MARCHF1: variants seen among roughly 807,000 people sequenced by gnomAD.
MARCHF1 encodes membrane associated ring-CH-type finger 1, also known as E3 ubiquitin-protein ligase MARCHF1.
A neutral mutation model predicts 54.2 loss-of-function variants in MARCHF1; 40 were observed. That is an observed-to-expected ratio of 0.74 (90% CI 0.57 to 0.96). The LOEUF (loss-of-function observed/expected upper bound fraction) is 0.96, where lower values mean the gene tolerates loss of function less well. MARCHF1 is among the 40% of genes least tolerant of loss of function. MARCHF1 has a pLI of 0.00. For synonymous variants in MARCHF1, 236 were observed against 236.3 expected (o/e 1.00, Z 0.01); for missense variants, 586 against 656.5 (o/e 0.89, Z 1.17).
intron 2 of MARCHF1, among the ~76,000 whole-genome samples, chr4:164,001,538 T>C (rs1210332195): frequency 6.6e-6 from 1 of 151,836 alleles, no homozygotes; most frequent in Admixed American, 6.6e-5. Context: ...ACAAAATATA[T>C]GAAACAAATG....
At chr4:163,845,460 TACACACACACACACACAC>T (rs10611765) in intron 4 of MARCHF1, among the ~76,000 whole-genome samples, 18 of 137,528 alleles carry the variant, frequency 1.3e-4, no homozygotes, top group Admixed American at 5.1e-4. Flanking sequence ...GCACCTCAGT[TACACACACACACACACAC>T]ACACACACAC....
chr4:163,695,722 G>A (rs527951878), intron 5 of MARCHF1, among the ~76,000 whole-genome samples: 1 of 152,224 alleles, frequency 6.6e-6, no homozygotes, highest in South Asian at 2.1e-4. Context: ...ACTTGAATTG[G>A]AAGTACAAGC....
At chr4:163,625,816 T>C (rs908760649) in intron 5 of MARCHF1, among the ~76,000 whole-genome samples, 1 of 152,218 alleles carries the variant, frequency 6.6e-6, no homozygotes, top group African/African-American at 2.4e-5. Flanking sequence ...GAGAAGAGTA[T>C]GTCCTTTAAC....
At chr4:163,966,434 C>T (rs1752445727) in intron 3 of MARCHF1, among the ~76,000 whole-genome samples, 1 of 152,036 alleles carries the variant, frequency 6.6e-6, no homozygotes, top group African/African-American at 2.4e-5. Flanking sequence ...GTAATTCTAA[C>T]ATCAGTAAAC....
Position 163,526,609 on chromosome 4 carries a change from G to T in MARCHF1, c.*2139C>A, listed in dbSNP as rs1738113623. 1 of 151,536 alleles carries T rather than the reference G, an allele frequency of 6.6e-6. No individual in the cohort carries two copies. Among genetic ancestry groups the T allele is most frequent in the Non-Finnish European group, 1.5e-5 (1 of 67,906 alleles). The allele number at this position is 151,536 out of a possible 1,614,324, so 9.4% of individuals were successfully genotyped here. A position where few individuals can be genotyped will look rare whatever the true frequency, so the allele number is the denominator to read the frequency against. ...TATTTATCTTAAATATTTAAAATGG[G>T]CATTTAAGAGGAATTTAATATACAG... On this transcript the variant is annotated 3_prime_UTR_variant, in exon 10 of 10. Transcript: ENST00000514618.
intron 3 of MARCHF1, among the ~76,000 whole-genome samples, chr4:163,887,604 G>A (rs906657464): frequency 1.4e-4 from 21 of 152,256 alleles, no homozygotes; most frequent in African/African-American, 4.8e-4. Context: ...AGTTTGAGAA[G>A]TATTGTCCTA....
At chr4:164,195,870 TTAAG>T (rs1351180702) in intron 1 of MARCHF1, among the ~76,000 whole-genome samples, 4 of 148,780 alleles carry the variant, frequency 2.7e-5, no homozygotes, top group Non-Finnish European at 5.9e-5. Context: ...ATGATATTAG[TTAAG>T]TGAGTTATTG....
chr4:163,973,625 C>T (rs954369071), intron 3 of MARCHF1, among the ~76,000 whole-genome samples: 1 of 152,124 alleles, frequency 6.6e-6, no homozygotes, highest in Non-Finnish European at 1.5e-5. Flanking sequence ...CGGGTTGTTA[C>T]AGTAATTAAC....
intron 5 of MARCHF1, among the ~76,000 whole-genome samples, chr4:163,700,440 G>T (rs943994660): frequency 3.3e-5 from 5 of 151,786 alleles, no homozygotes; most frequent in African/African-American, 1.2e-4. Context: ...AGAAGGCGGA[G>T]GTTGCAGTGA....
chr4:164,168,561 T>C (rs1730440873), intron 1 of MARCHF1, among the ~76,000 whole-genome samples: 1 of 152,070 alleles, frequency 6.6e-6, no homozygotes, highest in Non-Finnish European at 1.5e-5. Flanking sequence ...TAAAATGTTA[T>C]GCTATTTGCC....
chr4:163,965,710 T>C (rs1181222441), intron 3 of MARCHF1, among the ~76,000 whole-genome samples: 1 of 152,136 alleles, frequency 6.6e-6, no homozygotes, highest in African/African-American at 2.4e-5. Context: ...TAACACTGTA[T>C]AGTTAAACCA....
At chr4:164,179,520 C>T (rs564291823) in intron 1 of MARCHF1, among the ~76,000 whole-genome samples, 42 of 152,082 alleles carry the variant, frequency 2.8e-4, no homozygotes, top group Middle Eastern at 3.4e-3. Context: ...GGTACAGAAA[C>T]CACTGAAAAT....
At chr4:163,937,031 A>C (rs996509866) in intron 3 of MARCHF1, among the ~76,000 whole-genome samples, 7 of 152,164 alleles carry the variant, frequency 4.6e-5, no homozygotes, top group African/African-American at 1.7e-4. Context: ...CCTTCTCCCT[A>C]ACAAGGGTGG....
At position 164,354,463 on chromosome 4, in the gene MARCHF1, G is replaced by A. The variant is rs1213579086; in HGVS notation, c.-323+29407C>T. ...GGGATGCAAGGCTGGTTCAATATAC[G>A]CAAATCAACAAATGTAATCCAGCAT... On this transcript the variant is annotated intron_variant, in intron 1 of 9. Coordinates refer to ENST00000514618, the MANE Select transcript of MARCHF1 (RefSeq NM_001394959.1). Among the ~76,000 whole-genome samples, 221 of 131,316 alleles carry A rather than the reference G, an allele frequency of 1.7e-3. 6 individuals carry two copies. The highest frequency in any genetic ancestry group is 6.0e-3 in the African/African-American group (209 of 35,074). 86.1% of individuals were successfully genotyped at this position (131,316 alleles called of 152,430 possible).
intron 2 of MARCHF1, among the ~76,000 whole-genome samples, chr4:164,069,339 A>G (rs1392173886): frequency 6.6e-6 from 1 of 152,158 alleles, no homozygotes; most frequent in Non-Finnish European, 1.5e-5. Context: ...AGCAGTGGCA[A>G]CCCACTTGGA....
chr4:164,119,862 C>T (rs893100685), intron 1 of MARCHF1, among the ~76,000 whole-genome samples: 6 of 151,594 alleles, frequency 4.0e-5, no homozygotes, highest in African/African-American at 1.5e-4. Flanking sequence ...AAAATAAATA[C>T]CATGCACAAA....
intron 3 of MARCHF1, among the ~76,000 whole-genome samples, chr4:163,966,340 T>TAG (rs991764890): frequency 9.2e-5 from 14 of 152,084 alleles, no homozygotes; most frequent in Non-Finnish European, 1.8e-4. Context: ...ATGTTTTTCA[T>TAG]AGCTATAGCC....
chr4:163,615,480 T>TG (rs951141474), intron 5 of MARCHF1, among the ~76,000 whole-genome samples: 2 of 151,832 alleles, frequency 1.3e-5, no homozygotes, highest in African/African-American at 4.8e-5. Flanking sequence ...CCATTTATAA[T>TG]GATGACCAAA....
chr4:164,157,730 T>G (rs1410918665), intron 1 of MARCHF1, among the ~76,000 whole-genome samples: 1 of 152,144 alleles, frequency 6.6e-6, no homozygotes, highest in Admixed American at 6.6e-5. Flanking sequence ...CCCATGATCA[T>G]CTTCTCAAAA....
Sources: allele counts gnomAD v4.1 joint callset (sites outside exome capture counted in the v4.1 genomes callset), GRCh38; gene constraint gnomAD v4.1.1; transcripts MANE v1.5; gene names NCBI Gene and HGNC (gene_info 2026-07-23, HGNC 2026-07-21).